Variants in TAOK3 observed in about 807,000 individuals in gnomAD.
TAOK3 encodes serine/threonine-protein kinase TAO3.
In TAOK3, 40 loss-of-function variants were observed where a neutral mutation model predicts 120.4. That is an observed-to-expected ratio of 0.33 (90% CI 0.26 to 0.43). The LOEUF (loss-of-function observed/expected upper bound fraction) is 0.43. TAOK3 is among the 20% of genes least tolerant of loss of function. The pLI is 1.00. For missense variants in TAOK3, 821 were observed against 1,112.1 expected, an observed-to-expected ratio of 0.74 and a Z score of 3.72; for synonymous variants, 355 against 387.5, an observed-to-expected ratio of 0.92 and a Z score of 0.99.
At chr12:118,163,560 CATGA>C (rs2035367910) in intron 17 of TAOK3, among the ~76,000 whole-genome samples, 1 of 149,610 alleles carries the variant, frequency 6.7e-6, no homozygotes, top group East Asian at 2.0e-4. Context: ...TGATTATAGG[CATGA>C]GCCACCCCAC....
At position 118,318,158 on chromosome 12, in the gene TAOK3, C is replaced by G. The variant is rs563179812; in HGVS notation, c.-193-51399G>C. ...CTAAATAAGATATAAAGCTATAAAACTTTTTTTTTTTTTTTTTTTAGATGG... is the reference window on the plus strand; with the variant it reads ...CTAAATAAGATATAAAGCTATAAAAGTTTTTTTTTTTTTTTTTTTAGATGG... On this transcript the variant is annotated intron_variant, in intron 1 of 20. Coordinates refer to ENST00000392533, the MANE Select transcript of TAOK3 (RefSeq NM_016281.4). Among the ~76,000 whole-genome samples, 24 of 133,286 alleles carry G rather than the reference C, an allele frequency of 1.8e-4. No homozygotes were observed. In the South Asian group the frequency reaches 5.8e-3, roughly 32 times the overall value. 87.4% of individuals were successfully genotyped at this position (133,286 alleles called of 152,430 possible). A position where few individuals can be genotyped will look rare whatever the true frequency, so the allele number is the denominator to read the frequency against.
At chr12:118,332,669 C>T (rs750041048) in intron 1 of TAOK3, among the ~76,000 whole-genome samples, 2 of 152,282 alleles carry the variant, frequency 1.3e-5, no homozygotes, top group South Asian at 2.1e-4. Context: ...TAGCCATTCC[C>T]GACTGCGGGA....
intron 1 of TAOK3, among the ~76,000 whole-genome samples, chr12:118,268,779 C>T (rs576040384): frequency 3.3e-5 from 5 of 152,284 alleles, no homozygotes; most frequent in East Asian, 1.9e-4. Flanking sequence ...GAGGCCAAGG[C>T]GGGTGGATCA....
chr12:118,310,874 G>T (rs1296827174), intron 1 of TAOK3, among the ~76,000 whole-genome samples: 1 of 151,952 alleles, frequency 6.6e-6, no homozygotes, highest in Non-Finnish European at 1.5e-5. Context: ...AGAGTTTTAG[G>T]GCAGTGGGAA....
chr12:118,244,914 T>C lies in TAOK3; in HGVS notation c.172A>G (p.Ser58Gly). 2 of 1,608,738 alleles carry C rather than the reference T, an allele frequency of 1.2e-6. No homozygotes were observed. The highest frequency in any genetic ancestry group is 1.3e-5 in the African/African-American group (1 of 74,896). Residue 58 changes from serine to glycine, a missense_variant, in exon 4 of 21, where the codon AGT (serine) becomes GGT (glycine). Ser to Gly is a moderately conservative substitution (Grantham distance 56). Transcript: ENST00000392533. ...CTCACCTCATGGGTCTGCTTCCCAC[T>C]ATAGGACATCTTCTTAATTGCCACC... ...EVVAIKKMSY[S>G]GKQTHEKWQD...
chr12:118,155,798 G>C lies in TAOK3; in HGVS notation c.2353-3389C>G, dbSNP rs1478653793. On this transcript the variant is annotated intron_variant, in intron 19 of 20. Transcript: ENST00000392533. ...GTTGCTCAGGCTGGAGTGCAGTGGT[G>C]TGATCATAGCTCACTGCAGCCTTGA... Among the ~76,000 whole-genome samples the C allele has an allele frequency of 2.0e-5, 3 of 152,104 alleles. No homozygotes were observed. The East Asian group carries it at 5.8e-4, about 29-fold the overall frequency.
At chr12:118,248,240 T>G (rs1399687602) in intron 3 of TAOK3, among the ~76,000 whole-genome samples, 2 of 120,388 alleles carry the variant, frequency 1.7e-5, no homozygotes, top group Non-Finnish European at 4.1e-5. Context: ...ACTACAGGAG[T>G]TTTTTTTAAA....
rs2037298798 is a variant in TAOK3, at chr12:118,189,544, AC to A, written c.1329+262del. Reference sequence around the variant, plus strand: ...AACACACACAGACACAGACACACACACACACACACACACACACACACACACA... The same window carrying A: ...AACACACACAGACACAGACACACACAACACACACACACACACACACACACA... On this transcript the variant is annotated intron_variant, in intron 14 of 20. Transcript: ENST00000392533. Among the ~76,000 whole-genome samples the A allele has an allele frequency of 1.1e-4, 3 of 28,018 alleles. No individual in the cohort carries two copies. The South Asian group carries it at 3.2e-3, about 29-fold the overall frequency. The allele number at this position is 28,018 out of a possible 152,430, so 18.4% of individuals were successfully genotyped here.
chr12:118,225,288 C>G (rs2039448776), intron 9 of TAOK3, among the ~76,000 whole-genome samples: 1 of 138,950 alleles, frequency 7.2e-6, no homozygotes, highest in Non-Finnish European at 1.6e-5. Context: ...TAAAAATATA[C>G]TATTGGTATT....
At chr12:118,153,781 T>C (rs1464945198) in intron 19 of TAOK3, among the ~76,000 whole-genome samples, 1 of 152,234 alleles carries the variant, frequency 6.6e-6, no homozygotes, top group East Asian at 1.9e-4. Context: ...TTTGTGACAA[T>C]ATACATATCT....
intron 1 of TAOK3, among the ~76,000 whole-genome samples, chr12:118,314,808 A>C (rs1373799988): frequency 6.6e-6 from 1 of 152,204 alleles, no homozygotes; most frequent in Non-Finnish European, 1.5e-5. Context: ...TGCTCAGAAT[A>C]AGGTGAAAAA....
intron 1 of TAOK3, among the ~76,000 whole-genome samples, chr12:118,299,830 T>A (rs192881462): frequency 9.0e-4 from 137 of 152,314 alleles, no homozygotes; most frequent in Admixed American, 1.8e-3. Context: ...ATTTTATTTT[T>A]TTTTTTAAAC....
intron 19 of TAOK3, among the ~76,000 whole-genome samples, chr12:118,159,469 A>G (rs2035074056): frequency 6.6e-6 from 1 of 151,782 alleles, no homozygotes; most frequent in Non-Finnish European, 1.5e-5. Context: ...TGCCCAGCTA[A>G]TTTTTGTACT....
intron 11 of TAOK3, among the ~76,000 whole-genome samples, chr12:118,209,571 A>G (rs2038513527): frequency 6.6e-6 from 1 of 151,742 alleles, no homozygotes. Context: ...GCTAATACTT[A>G]TATTTTTAGT....
At chr12:118,260,758 G>A (rs1021508423) in intron 2 of TAOK3, among the ~76,000 whole-genome samples, 2 of 152,144 alleles carry the variant, frequency 1.3e-5, no homozygotes, top group African/African-American at 4.8e-5. Flanking sequence ...TCAGCTCACT[G>A]CAACCTCTGC....
intron 9 of TAOK3, among the ~76,000 whole-genome samples, chr12:118,217,816 C>CATATATATAT (rs57197721): frequency 5.9e-4 from 27 of 45,980 alleles, no homozygotes; most frequent in Non-Finnish European, 6.7e-4. Flanking sequence ...TGTGTGTATA[C>CATATATATAT]ATATATATAT....
At chr12:118,231,221 T>A (rs1335400108) in intron 9 of TAOK3, among the ~76,000 whole-genome samples, 1 of 152,132 alleles carries the variant, frequency 6.6e-6, no homozygotes, top group Non-Finnish European at 1.5e-5. Context: ...CCTGCGTGTG[T>A]TGGCAGGGGT....
chr12:118,345,582 C>T (rs2044821177), intron 1 of TAOK3, among the ~76,000 whole-genome samples: 1 of 151,972 alleles, frequency 6.6e-6, no homozygotes, highest in South Asian at 2.1e-4. Context: ...AAAGAAATGT[C>T]AGACACTAGC....
intron 9 of TAOK3, among the ~76,000 whole-genome samples, chr12:118,219,752 G>A (rs2039130098): frequency 7.5e-6 from 1 of 132,968 alleles, no homozygotes; most frequent in African/African-American, 2.8e-5. Context: ...GAGCCATTAA[G>A]TCCAGCTACT....
Sources: gnomAD v4.1 joint callset for allele counts (sites outside exome capture counted in the v4.1 genomes callset) on GRCh38, gnomAD v4.1.1 for gene constraint, MANE v1.5 for transcripts, NCBI Gene and HGNC (gene_info 2026-07-23, HGNC 2026-07-21) for gene names.